Variants in KIF26B observed in about 807,000 individuals in gnomAD.
KIF26B encodes the protein kinesin family member 26B, also known as kinesin-like protein KIF26B.
In KIF26B, 63 loss-of-function variants were observed where a neutral mutation model predicts 151.2. The observed-to-expected ratio is 0.42, with a 90% CI of 0.34 to 0.51. KIF26B has a LOEUF of 0.51. Among genes scored for constraint, KIF26B ranks in the 20% least tolerant of loss-of-function variants. The probability of loss-of-function intolerance (pLI) is 0.07; values close to 1 mark genes in which losing one functional copy is unlikely to be tolerated. For missense variants in KIF26B, 2,813 were observed against 2,913.6 expected, an observed-to-expected ratio of 0.97 and a Z score of 0.79; for synonymous variants, 1,357 against 1,262.1, an observed-to-expected ratio of 1.08 and a Z score of -1.59.
chr1:245,156,303 A>C lies in KIF26B; in HGVS notation c.85A>C (p.Thr29Pro). 6.5e-7 allele frequency: 1 copy of C among 1,547,152 alleles called. No homozygotes were observed. The highest frequency in any genetic ancestry group is 1.2e-5 in the South Asian group (1 of 84,008). ...KYGVNEVCSP[T>P]KPAAPFSPES... ...GCAGGTGAATGAAGTCTGCTCGCCC[A>C]CCAAGCCCGCAGCGCCCTTCTCCCC... Residue 29 changes from threonine to proline, a missense_variant, in exon 2 of 15, where the codon ACC (threonine) becomes CCC (proline). Coordinates refer to ENST00000407071, the MANE Select transcript of KIF26B (RefSeq NM_018012.4).
intron 2 of KIF26B, among the ~76,000 whole-genome samples, chr1:245,353,225 G>T (rs1672609189): frequency 6.6e-6 from 1 of 152,162 alleles, no homozygotes. Context: ...AGGGAGAGGG[G>T]TCCTGGTTTA....
At chr1:245,411,825 G>A (rs1239722655) in intron 3 of KIF26B, among the ~76,000 whole-genome samples, 1 of 152,068 alleles carries the variant, frequency 6.6e-6, no homozygotes, top group African/African-American at 2.4e-5. Flanking sequence ...TCTCTTATGA[G>A]CAAAGACTGA....
intron 5 of KIF26B, among the ~76,000 whole-genome samples, chr1:245,567,972 T>C (rs1295773956): frequency 1.3e-5 from 2 of 151,790 alleles, no homozygotes; most frequent in Non-Finnish European, 2.9e-5. Context: ...TCACCTGCGG[T>C]CTGGAGTTCA....
chr1:245,550,021 C>G (rs535501669), intron 5 of KIF26B, among the ~76,000 whole-genome samples: 3 of 152,258 alleles, frequency 2.0e-5, no homozygotes, highest in East Asian at 3.9e-4. Flanking sequence ...TCAGGTGATC[C>G]GCCCGCCTCG....
At position 245,702,127 on chromosome 1, in the gene KIF26B, GATAGTGA is replaced by G. The variant is rs2147971840; in HGVS notation, c.6179-324_6179-318del. On this transcript the variant is annotated intron_variant, in intron 14 of 14. Coordinates refer to ENST00000407071, the MANE Select transcript of KIF26B (RefSeq NM_018012.4). The surrounding 1 kb of genome is among the most constrained non-coding windows in gnomAD (Gnocchi z 4.1). ...ACTTGAATTATTTACTTGATTGATT[GATAGTGA>G]ATAGTGTGGTAGCGTCTCTCAAATC... Among the ~76,000 whole-genome samples the G allele has an allele frequency of 7.4e-6, 1 of 134,454 alleles. No individual in the cohort carries two copies. Among genetic ancestry groups the G allele is most frequent in the Non-Finnish European group, 1.6e-5 (1 of 63,092 alleles). 88.2% of individuals were successfully genotyped at this position (134,454 alleles called of 152,430 possible).
chr1:245,578,174 G>C (rs2043143890), intron 5 of KIF26B, among the ~76,000 whole-genome samples: 1 of 152,250 alleles, frequency 6.6e-6, no homozygotes, highest in South Asian at 2.1e-4. Flanking sequence ...AAATTCATAA[G>C]ATGTGTGTCA....
At chr1:245,395,012 T>G (rs1306096017) in intron 3 of KIF26B, among the ~76,000 whole-genome samples, 2 of 152,154 alleles carry the variant, frequency 1.3e-5, no homozygotes, top group East Asian at 3.8e-4. Flanking sequence ...TCTTAGTAGG[T>G]GAAATTACTG....
At chr1:245,640,333 TATGGAATGCTTTTGGTTTCCATTTGC>T (rs1314953977) in intron 9 of KIF26B, among the ~76,000 whole-genome samples, 6 of 151,638 alleles carry the variant, frequency 4.0e-5, no homozygotes, top group Admixed American at 1.3e-4. Context: ...TTTCCATTTG[TATGGAATGCTTTTGGTTTCCATTTGC>T]ATGGAATGCT....
intron 2 of KIF26B, among the ~76,000 whole-genome samples, chr1:245,346,190 GC>G (rs1672452681): frequency 6.6e-6 from 1 of 151,970 alleles, no homozygotes; most frequent in South Asian, 2.1e-4. Context: ...TGATCCACCT[GC>G]CTCGGCCTCC....
chr1:245,273,739 A>T (rs1399258722), intron 2 of KIF26B, among the ~76,000 whole-genome samples: 1 of 152,128 alleles, frequency 6.6e-6, no homozygotes, highest in African/African-American at 2.4e-5. Flanking sequence ...TTTCATTTTC[A>T]GCCTATGTGT....
intron 3 of KIF26B, among the ~76,000 whole-genome samples, chr1:245,417,129 G>A (rs566416987): frequency 1.4e-4 from 21 of 152,246 alleles, no homozygotes; most frequent in Admixed American, 3.3e-4. Context: ...GAAAGGCAGC[G>A]TGACTAGGAA....
chr1:245,527,524 CTTTTTTTTTTT>C (rs548422038), intron 4 of KIF26B, among the ~76,000 whole-genome samples: 2,263 of 50,802 alleles, frequency 0.045, 88 homozygotes, highest in Middle Eastern at 0.11. Context: ...TTTGGGATGG[CTTTTTTTTTTT>C]TTTTTTTTTT....
intron 4 of KIF26B, among the ~76,000 whole-genome samples, chr1:245,422,968 G>T (rs910956462): frequency 3.3e-5 from 5 of 152,074 alleles, no homozygotes; most frequent in African/African-American, 1.2e-4. Context: ...GCATGGTGGT[G>T]CATGTCTATA....
In KIF26B at chr1:245,155,343, CCG is replaced by C. The variant is rs1235924464; in HGVS notation, c.-81_-80del. The C allele has an allele frequency of 3.4e-6, 4 of 1,191,934 alleles. No individual in the cohort carries two copies. In the East Asian group the frequency reaches 7.6e-5, roughly 23 times the overall value. The allele number at this position is 1,191,934 out of a possible 1,614,324, so 73.8% of individuals were successfully genotyped here. A position where few individuals can be genotyped will look rare whatever the true frequency, so the allele number is the denominator to read the frequency against. On this transcript the variant is annotated 5_prime_UTR_variant, in exon 1 of 15. Coordinates refer to ENST00000407071, the MANE Select transcript of KIF26B (RefSeq NM_018012.4). ...AGGGCTGAGAGCCAGCCCCCTGCAG[CCG>C]GGGGACGCTTCTGGGTTGGAGGACC...
intron 2 of KIF26B, among the ~76,000 whole-genome samples, chr1:245,226,456 CTCT>C (rs1669875919): frequency 6.6e-6 from 1 of 151,502 alleles, no homozygotes; most frequent in South Asian, 2.1e-4. Flanking sequence ...GAGGGTGCAC[CTCT>C]TTTTTTTTTT....
chr1:245,296,500 G>A (rs1168015036), intron 2 of KIF26B, among the ~76,000 whole-genome samples: 2 of 152,136 alleles, frequency 1.3e-5, no homozygotes, highest in Non-Finnish European at 2.9e-5. Flanking sequence ...CTGGAAGTGG[G>A]TTTGGAGCCG....
Position 245,704,811 on chromosome 1 carries a change from C to T in KIF26B, c.*2205C>T, listed in dbSNP as rs779290743. On this transcript the variant is annotated 3_prime_UTR_variant, in exon 15 of 15. Transcript: ENST00000407071. ...TGGACCCAAAGGGAAGCCAATCCTT[C>T]GAGTTTGCCATTGGGCTGCTGGTTG... 3.3e-5 allele frequency: 5 copies of T among 152,206 alleles called. No individual in the cohort carries two copies. The highest frequency in any genetic ancestry group is 7.2e-5 in the African/African-American group (3 of 41,450). 9.4% of individuals were successfully genotyped at this position (152,206 alleles called of 1,614,324 possible).
chr1:245,500,124 T>C (rs1660592170), intron 4 of KIF26B, among the ~76,000 whole-genome samples: 3 of 152,236 alleles, frequency 2.0e-5, no homozygotes, highest in Non-Finnish European at 2.9e-5. Context: ...AGCCCCCAAG[T>C]GTACAGCATT....
At chr1:245,348,455 TG>T (rs1430406241) in intron 2 of KIF26B, among the ~76,000 whole-genome samples, 1 of 152,176 alleles carries the variant, frequency 6.6e-6, no homozygotes, top group Non-Finnish European at 1.5e-5. Flanking sequence ...TTCTGGAGAC[TG>T]GGAAGTCCAA....
Sources: allele counts gnomAD v4.1 joint callset (sites outside exome capture counted in the v4.1 genomes callset), GRCh38; gene constraint gnomAD v4.1.1; non-coding constraint Gnocchi (gnomAD v3.1); transcripts MANE v1.5; gene names NCBI Gene and HGNC (gene_info 2026-07-23, HGNC 2026-07-21).